The following STK32B variants were observed in gnomAD, a reference collection of about 807,000 sequenced individuals.
The protein encoded by STK32B is serine/threonine-protein kinase 32B.
In STK32B, 43 loss-of-function variants were observed where a neutral mutation model predicts 52.6. The observed-to-expected ratio is 0.82, with a 90% confidence interval of 0.64 to 1.05. The LOEUF (loss-of-function observed/expected upper bound fraction) is 1.05. STK32B is among the 50% of genes least tolerant of loss of function. STK32B has a pLI of 0.00. For synonymous variants in STK32B, 238 were observed against 204.3 expected, an observed-to-expected ratio of 1.17 and a Z score of -1.41; for missense variants, 621 against 534.6, an observed-to-expected ratio of 1.16 and a Z score of -1.59.
At chr4:5,353,933 C>T (rs1335997220) in intron 4 of STK32B, among the ~76,000 whole-genome samples, 1 of 152,102 alleles carries the variant, frequency 6.6e-6, no homozygotes, top group Non-Finnish European at 1.5e-5. Context: ...ACAGGCATGC[C>T]AATATTTATT....
At chr4:5,286,384 T>C (rs1252030169) in intron 3 of STK32B, among the ~76,000 whole-genome samples, 1 of 151,608 alleles carries the variant, frequency 6.6e-6, no homozygotes, top group Non-Finnish European at 1.5e-5. Flanking sequence ...AGTGTACATA[T>C]TGAGTTTCAC....
chr4:5,227,326 G>A (rs910572403), intron 3 of STK32B, among the ~76,000 whole-genome samples: 2 of 152,074 alleles, frequency 1.3e-5, no homozygotes, highest in African/African-American at 2.4e-5. Flanking sequence ...TTTTACCCAC[G>A]CATGATTTTT....
chr4:5,243,212 A>G (rs137990420), intron 3 of STK32B, among the ~76,000 whole-genome samples: 9,390 of 152,218 alleles, frequency 0.062, 434 homozygotes, highest in African/African-American at 0.13. Flanking sequence ...ACCCATGAGC[A>G]TGGAATGTTC....
chr4:5,110,518 TA>T (rs1714346774), intron 1 of STK32B, among the ~76,000 whole-genome samples: 1 of 152,194 alleles, frequency 6.6e-6, no homozygotes, highest in Admixed American at 6.5e-5. Flanking sequence ...AAAGACATCC[TA>T]TTCAATAAAT....
intron 6 of STK32B, among the ~76,000 whole-genome samples, chr4:5,436,876 C>T (rs1206329255): frequency 2.0e-5 from 3 of 152,170 alleles, no homozygotes; most frequent in Non-Finnish European, 4.4e-5. Flanking sequence ...TTTCAAGGGA[C>T]CCTTCAGCCC....
At chr4:5,056,909 G>T (rs1742029658) in intron 1 of STK32B, among the ~76,000 whole-genome samples, 2 of 152,158 alleles carry the variant, frequency 1.3e-5, no homozygotes, top group Non-Finnish European at 2.9e-5. Context: ...TGGGCAGATA[G>T]AAACAAAAAA....
intron 5 of STK32B, among the ~76,000 whole-genome samples, chr4:5,412,399 T>C (rs1302097848): frequency 6.6e-6 from 1 of 152,210 alleles, no homozygotes; most frequent in Non-Finnish European, 1.5e-5. Context: ...GCTCATCAGT[T>C]AGCATAGCCA....
chr4:5,443,001 A>T (rs1457549990), intron 6 of STK32B, among the ~76,000 whole-genome samples: 37 of 150,962 alleles, frequency 2.5e-4, no homozygotes, highest in African/African-American at 8.3e-4. Flanking sequence ...CTTCCCTTTG[A>T]GGGTAACCCG....
intron 4 of STK32B, among the ~76,000 whole-genome samples, chr4:5,377,696 G>C (rs1356514746): frequency 1.3e-5 from 2 of 152,164 alleles, no homozygotes; most frequent in Admixed American, 1.3e-4. Flanking sequence ...TCTGGTGATA[G>C]TGAGTGAGGT....
intron 1 of STK32B, among the ~76,000 whole-genome samples, chr4:5,093,701 TTAAAG>T (rs1713227556): frequency 6.7e-6 from 1 of 148,426 alleles, no homozygotes; most frequent in African/African-American, 2.6e-5. Flanking sequence ...ACCCTAAAAC[TTAAAG>T]TATAATGAAA....
intron 1 of STK32B, among the ~76,000 whole-genome samples, chr4:5,071,545 C>T (rs1344198136): frequency 1.3e-5 from 2 of 152,128 alleles, no homozygotes; most frequent in Non-Finnish European, 2.9e-5. Context: ...TATTTTTAAG[C>T]ACACTTTCCA....
chr4:5,249,026 A>G (rs1725679212), intron 3 of STK32B, among the ~76,000 whole-genome samples: 1 of 152,156 alleles, frequency 6.6e-6, no homozygotes, highest in African/African-American at 2.4e-5. Flanking sequence ...ATGTATACAT[A>G]TGTAACAAAC....
intron 1 of STK32B, among the ~76,000 whole-genome samples, chr4:5,134,418 GCT>G (rs1715950182): frequency 1.3e-5 from 2 of 152,080 alleles, no homozygotes; most frequent in African/African-American, 4.8e-5. Flanking sequence ...GTTATCTTGC[GCT>G]CTCCTGCCCT....
chr4:5,326,472 G>T (rs1731879753), intron 3 of STK32B, among the ~76,000 whole-genome samples: 1 of 152,124 alleles, frequency 6.6e-6, no homozygotes, highest in Admixed American at 6.6e-5. Flanking sequence ...ACCTCCAACA[G>T]TGCCTCTTTC....
At chr4:5,051,215 A>G (rs573015546), upstream of STK32B, among the ~76,000 whole-genome samples, 1 of 152,212 alleles carries the variant, frequency 6.6e-6, no homozygotes, top group East Asian at 1.9e-4. Flanking sequence ...ACCTCCGTCT[A>G]CTGCGCTCTA....
At chr4:5,022,730 G>C in the STK32B span, among the ~76,000 whole-genome samples, 1 of 152,176 alleles carries the variant, frequency 6.6e-6, no homozygotes, top group Non-Finnish European at 1.5e-5. Context: ...ATTGCCTTTG[G>C]ATGGGTTCTT....
At chr4:5,219,440 A>C (rs1029493995) in intron 3 of STK32B, among the ~76,000 whole-genome samples, 1 of 152,272 alleles carries the variant, frequency 6.6e-6, no homozygotes, top group South Asian at 2.1e-4. Flanking sequence ...GAGGAAGGTC[A>C]AGCTTTCCTT....
At chr4:5,341,616 A>G (rs1235663945) in intron 4 of STK32B, among the ~76,000 whole-genome samples, 1 of 152,228 alleles carries the variant, frequency 6.6e-6, no homozygotes, top group East Asian at 1.9e-4. Context: ...CTGTTCTTGC[A>G]TCGCTGTAAA....
intron 2 of STK32B, among the ~76,000 whole-genome samples, chr4:5,157,339 C>T (rs963241445): frequency 2.7e-5 from 4 of 147,820 alleles, no homozygotes; most frequent in Non-Finnish European, 5.9e-5. Context: ...AGGTTCCTGA[C>T]ACTGAAGAAC....
Sources: gnomAD v4.1 joint callset for allele counts (sites outside exome capture counted in the v4.1 genomes callset) on GRCh38, gnomAD v4.1.1 for gene constraint, MANE v1.5 for transcripts, NCBI Gene and HGNC (gene_info 2026-07-23, HGNC 2026-07-21) for gene names.